SHISA9: variants seen among roughly 807,000 people sequenced by gnomAD.
The protein encoded by SHISA9 is protein shisa-9.
Under a neutral mutation model 38.0 loss-of-function variants are expected in SHISA9, and 13 were observed. The observed-to-expected ratio is 0.34, with a 90% CI of 0.22 to 0.54. The LOEUF is 0.54. Ranked by LOEUF, SHISA9 falls within the 20% of genes least tolerant of loss-of-function variation. The pLI, the probability that SHISA9 is intolerant of heterozygous loss-of-function variation, is 0.91. For synonymous variants in SHISA9, 275 were observed against 242.0 expected (o/e 1.14, Z -1.27); for missense variants, 538 against 575.8 (o/e 0.93, Z 0.67).
At chr16:13,394,558 C>T in the SHISA9 span, among the ~76,000 whole-genome samples, 1 of 152,210 alleles carries the variant, frequency 6.6e-6, no homozygotes, top group Non-Finnish European at 1.5e-5. Context: ...CCCTGCCCTA[C>T]TCAGGATCCT....
chr16:12,936,927 C>G (rs2071541926), intron 2 of SHISA9, among the ~76,000 whole-genome samples: 1 of 152,088 alleles, frequency 6.6e-6, no homozygotes, highest in Non-Finnish European at 1.5e-5. Context: ...CACGGGTTGG[C>G]TAGAGGGCGG....
At chr16:13,419,123 T>C in the SHISA9 span, among the ~76,000 whole-genome samples, 2 of 152,270 alleles carry the variant, frequency 1.3e-5, no homozygotes, top group African/African-American at 4.8e-5. Flanking sequence ...GTTCAAGCTT[T>C]GTATTTAATG....
chr16:12,938,996 A>G (rs554489060), intron 2 of SHISA9, among the ~76,000 whole-genome samples: 70 of 152,240 alleles, frequency 4.6e-4, no homozygotes, highest in African/African-American at 1.6e-3. Context: ...GAGTTAGTAC[A>G]TTCAGATGAT....
At chr16:13,512,396 A>G in the SHISA9 span, among the ~76,000 whole-genome samples, 20 of 152,264 alleles carry the variant, frequency 1.3e-4, no homozygotes, top group Non-Finnish European at 2.8e-4. Context: ...ACCCTCATAG[A>G]TAGAATCAAT....
chr16:13,386,777 C>T, the SHISA9 span, among the ~76,000 whole-genome samples: 2 of 152,118 alleles, frequency 1.3e-5, no homozygotes, highest in Non-Finnish European at 2.9e-5. Context: ...ATCAAACTGT[C>T]TCATTTTAAT....
At chr16:13,288,651 G>A in the SHISA9 span, among the ~76,000 whole-genome samples, 3 of 152,164 alleles carry the variant, frequency 2.0e-5, no homozygotes, top group Non-Finnish European at 2.9e-5. Context: ...AAAATTAGCT[G>A]TGTGTGGTCA....
chr16:13,272,781 C>T, the SHISA9 span, among the ~76,000 whole-genome samples: 5 of 152,302 alleles, frequency 3.3e-5, no homozygotes, highest in Admixed American at 2.6e-4. Flanking sequence ...TTTCCTCCAT[C>T]TCGGGAAAAA....
At chr16:13,414,666 A>T in the SHISA9 span, among the ~76,000 whole-genome samples, 2 of 48,318 alleles carry the variant, frequency 4.1e-5, no homozygotes, top group Non-Finnish European at 4.4e-5. Context: ...TTTTTTTCAG[A>T]CAGAGTGTTG....
the SHISA9 span, among the ~76,000 whole-genome samples, chr16:13,479,372 C>A: frequency 6.6e-6 from 1 of 152,156 alleles, no homozygotes; most frequent in Admixed American, 6.5e-5. Flanking sequence ...TTTGGATGCC[C>A]TTATTCAGCC....
rs1166939204 is a variant in SHISA9 at position 13,015,961 on chromosome 16, C to T, written c.691+99146C>T. ...TCCTTCCTTCTCTCTTTTCCCTTCCCTTCCCTTCCCTTCCCTTCCCTTCCC... is the reference window on the plus strand; with the variant it reads ...TCCTTCCTTCTCTCTTTTCCCTTCCTTTCCCTTCCCTTCCCTTCCCTTCCC... On this transcript the variant is annotated intron_variant, in intron 2 of 4. Coordinates refer to ENST00000558583, the MANE Select transcript of SHISA9 (RefSeq NM_001145204.3). Among the ~76,000 whole-genome samples the T allele has an allele frequency of 3.3e-3, 104 of 31,472 alleles. 2 individuals are homozygous for T. Among genetic ancestry groups the T allele is most frequent in the Non-Finnish European group, 5.4e-3 (72 of 13,268 alleles). The allele number at this position is 31,472 out of a possible 152,430, so 20.6% of individuals were successfully genotyped here.
intron 4 of SHISA9, among the ~76,000 whole-genome samples, chr16:13,224,930 G>A (rs936123296): frequency 2.6e-5 from 4 of 152,128 alleles, no homozygotes; most frequent in South Asian, 2.1e-4. Context: ...ATGTATAGTG[G>A]AATAGTACCC....
At chr16:13,037,899 T>C (rs886137690) in intron 2 of SHISA9, among the ~76,000 whole-genome samples, 6 of 152,224 alleles carry the variant, frequency 3.9e-5, no homozygotes, top group African/African-American at 1.4e-4. Context: ...GTTTCTTTCC[T>C]TGCTTTTGTC....
chr16:13,414,665 G>C, the SHISA9 span, among the ~76,000 whole-genome samples: 1 of 23,738 alleles, frequency 4.2e-5, no homozygotes, highest in African/African-American at 1.3e-4. Context: ...TTTTTTTTCA[G>C]ACAGAGTGTT....
the SHISA9 span, among the ~76,000 whole-genome samples, chr16:13,280,516 ATATTT>A: frequency 3.3e-5 from 5 of 151,808 alleles, no homozygotes; most frequent in Non-Finnish European, 7.4e-5. Context: ...TTAGTTCAAA[ATATTT>A]TAAGAAGTTT....
At chr16:13,338,446 C>G in the SHISA9 span, among the ~76,000 whole-genome samples, 4 of 152,082 alleles carry the variant, frequency 2.6e-5, no homozygotes, top group South Asian at 8.3e-4. Context: ...TTTGAAGTGG[C>G]TGGAAAAGAG....
At chr16:12,959,545 T>A (rs901946810) in intron 2 of SHISA9, among the ~76,000 whole-genome samples, 5 of 152,068 alleles carry the variant, frequency 3.3e-5, no homozygotes, top group Non-Finnish European at 5.9e-5. Flanking sequence ...GAGCTCAGAC[T>A]CGAGAAAAAA....
At chr16:13,046,708 T>C (rs545936415) in intron 2 of SHISA9, among the ~76,000 whole-genome samples, 11 of 152,338 alleles carry the variant, frequency 7.2e-5, no homozygotes, top group Non-Finnish European at 1.3e-4. Flanking sequence ...TCTGGTCTGC[T>C]TTGACTTCTC....
the SHISA9 span, among the ~76,000 whole-genome samples, chr16:13,250,573 T>C: frequency 2.0e-5 from 3 of 152,342 alleles, no homozygotes; most frequent in Admixed American, 6.5e-5. Context: ...CTGACGCTCT[T>C]GGTCAGGAAC....
chr16:13,532,712 T>C, the SHISA9 span, among the ~76,000 whole-genome samples: 1 of 152,222 alleles, frequency 6.6e-6, no homozygotes, highest in South Asian at 2.1e-4. Context: ...CCTTCCTGCT[T>C]CCAACATTTC....
Sources: allele counts gnomAD v4.1 joint callset (sites outside exome capture counted in the v4.1 genomes callset), GRCh38; gene constraint gnomAD v4.1.1; transcripts MANE v1.5; gene names NCBI Gene and HGNC (gene_info 2026-07-23, HGNC 2026-07-21).